The following PLXNA1 variants were observed in gnomAD, a reference collection of about 807,000 sequenced individuals.
PLXNA1 encodes the protein plexin-A1.
PLXNA1 carries 77 observed loss-of-function variants against 191.7 expected under a neutral mutation model. That is an observed-to-expected ratio of 0.40 (90% confidence interval 0.33 to 0.49). The LOEUF (loss-of-function observed/expected upper bound fraction) is 0.49, where lower values mean the gene tolerates loss of function less well. Among genes scored for constraint, PLXNA1 ranks in the 20% least tolerant of loss-of-function variants. The probability of loss-of-function intolerance (pLI) is 0.63; values close to 1 mark genes in which losing one functional copy is unlikely to be tolerated. For synonymous variants in PLXNA1, 1,137 were observed against 1,156.4 expected, an observed-to-expected ratio of 0.98 and a Z score of 0.34; for missense variants, 2,110 against 2,660.2, an observed-to-expected ratio of 0.79 and a Z score of 4.55.
intron 7 of PLXNA1, 35 bp downstream of exon 7, chr3:127,005,278 G>C: frequency 6.3e-7 from 1 of 1,577,806 alleles, no homozygotes; most frequent in South Asian, 1.2e-5. Context: ...CCCGCTGCCT[G>C]GCCAGGTCCA....
chr3:126,989,164 A>G lies in PLXNA1; in HGVS notation c.571A>G (p.Ile191Val). The G allele has an allele frequency of 6.2e-7, 1 of 1,613,448 alleles. No homozygotes were observed. Among genetic ancestry groups the G allele is most frequent in the South Asian group, 1.1e-5 (1 of 91,086 alleles). Residue 191 changes from isoleucine (I) to valine (V), a missense_variant, in exon 2 of 32, where the codon ATC (isoleucine) becomes GTC (valine). Transcript: ENST00000393409. Reference sequence around the variant, plus strand: ...GGCCAAGCTCTTCGTGGGCACACCCATCGATGGCAAGTCCGAGTACTTCCC... The same window carrying G: ...GGCCAAGCTCTTCGTGGGCACACCCGTCGATGGCAAGTCCGAGTACTTCCC... ...GQAKLFVGTP[I>V]DGKSEYFPTL...
chr3:126,985,342 C>T (rs1028185680), intron 1 of PLXNA1, among the ~76,000 whole-genome samples: 30 of 152,242 alleles, frequency 2.0e-4, no homozygotes, highest in African/African-American at 4.8e-4. Context: ...CTAGCCCCAT[C>T]GGCATCCCAA....
chr3:127,003,825 G>T (rs1010418236), intron 4 of PLXNA1, among the ~76,000 whole-genome samples: 1 of 152,238 alleles, frequency 6.6e-6, no homozygotes, highest in African/African-American at 2.4e-5. Flanking sequence ...TTTGGGGTGT[G>T]TACTGGGCCA....
intron 17 of PLXNA1, 148 bp downstream of exon 17, chr3:127,017,185 G>A (rs1165935370): frequency 2.1e-6 from 2 of 970,136 alleles, no homozygotes; most frequent in Non-Finnish European, 3.1e-6. Flanking sequence ...AGACCCCTGG[G>A]GAGGCACCTG....
intron 3 of PLXNA1, among the ~76,000 whole-genome samples, chr3:127,002,618 T>C (rs2079046538): frequency 1.3e-5 from 2 of 152,224 alleles, no homozygotes; most frequent in Non-Finnish European, 2.9e-5. Context: ...GAGCCTACCC[T>C]GGACTCAGAG....
chr3:126,993,385 G>A (rs1462037914), intron 3 of PLXNA1, among the ~76,000 whole-genome samples: 1 of 152,234 alleles, frequency 6.6e-6, no homozygotes, highest in African/African-American at 2.4e-5. Context: ...AGGTATGGGT[G>A]GAGCCTGTCC....
intron 19 of PLXNA1, 50 bp downstream of exon 19, chr3:127,017,942 G>A: frequency 6.2e-7 from 1 of 1,601,182 alleles, no homozygotes; most frequent in Non-Finnish European, 8.5e-7. Context: ...TGCCCCACCT[G>A]TGGACCCTGC....
At chr3:127,021,477 G>T (rs576398030) in intron 21 of PLXNA1, among the ~76,000 whole-genome samples, 8 of 152,304 alleles carry the variant, frequency 5.3e-5, no homozygotes, top group African/African-American at 1.7e-4. Context: ...GGACCCTGGA[G>T]CCAGCTATGC....
rs2078974643 is a variant in PLXNA1 at position 126,988,842 on chromosome 3, C to T, written c.249C>T (p.Ala83=). ...CGGGGAACCTGACACTGCTGCGGGC[C>T]CACGTCACGGGCCCTGTGGAGGACA... is the stretch of plus-strand genomic sequence containing the variant. The part of the protein sequence containing the change: ...KLSGNLTLLR[A]HVTGPVEDNE... Residue 83 remains alanine (A), a synonymous_variant, in exon 2 of 32, where the codon GCC becomes GCT. Coordinates refer to ENST00000393409, the MANE Select transcript of PLXNA1 (RefSeq NM_032242.4). 3 of 1,613,326 alleles carry T rather than the reference C, an allele frequency of 1.9e-6. No homozygotes were observed. The South Asian group carries it at 3.3e-5, about 18-fold the overall frequency.
At chr3:126,996,898 G>A (rs930248674) in intron 3 of PLXNA1, among the ~76,000 whole-genome samples, 2 of 152,204 alleles carry the variant, frequency 1.3e-5, no homozygotes, top group Non-Finnish European at 2.9e-5. Flanking sequence ...GTCAGCCTGT[G>A]ACAGACGCCA....
At chr3:127,025,288 T>C (rs1222838518) in intron 23 of PLXNA1, among the ~76,000 whole-genome samples, 7 of 152,228 alleles carry the variant, frequency 4.6e-5, no homozygotes, top group Admixed American at 3.9e-4. Context: ...GTTATGCCTT[T>C]TCCAGATGTC....
chr3:127,013,983 C>CT, intron 10 of PLXNA1, 37 bp from the exon 11 acceptor site: 1 of 1,595,826 alleles, frequency 6.3e-7, no homozygotes, highest in Non-Finnish European at 8.6e-7. Flanking sequence ...CTGGAGGCCG[C>CT]TTAGCTGGGA....
chr3:127,025,771 A>G (rs144929131), intron 23 of PLXNA1, among the ~76,000 whole-genome samples: 2 of 152,366 alleles, frequency 1.3e-5, no homozygotes, highest in Non-Finnish European at 2.9e-5. Context: ...CGACAGATGA[A>G]TGAATAAGCA....
intron 27 of PLXNA1, 62 bp from the exon 28 acceptor site, chr3:127,029,812 C>T: frequency 6.8e-7 from 1 of 1,474,980 alleles, no homozygotes; most frequent in South Asian, 1.3e-5. Flanking sequence ...GATGGGGAAA[C>T]AGGCTCGGGC....
At chr3:126,994,415 C>G (rs1280748562) in intron 3 of PLXNA1, among the ~76,000 whole-genome samples, 1 of 152,122 alleles carries the variant, frequency 6.6e-6, no homozygotes, top group Non-Finnish European at 1.5e-5. Flanking sequence ...CTCCCTTGTT[C>G]CCTAGTTACC....
At chr3:127,019,335 A>C (rs2079141240) in intron 20 of PLXNA1, among the ~76,000 whole-genome samples, 1 of 152,160 alleles carries the variant, frequency 6.6e-6, no homozygotes, top group African/African-American at 2.4e-5. Context: ...GTCCCAGACA[A>C]ACCTAAGTGG....
In PLXNA1 at chr3:127,014,022, C is replaced by T. The variant is rs2079108427; in HGVS notation, c.2316C>T (p.Tyr772=). 5.0e-6 allele frequency: 8 copies of T among 1,613,490 alleles called. No homozygotes were observed. The highest frequency in any genetic ancestry group is 5.9e-6 in the Non-Finnish European group (7 of 1,179,798). The change falls in exon 11 of 32, where the codon TAC becomes TAT. Residue 772 remains tyrosine, a splice_region_variant and synonymous_variant. Coordinates refer to ENST00000393409, the MANE Select transcript of PLXNA1 (RefSeq NM_032242.4). ...CTGACGGTGCCATCACCTAACAGTA[C>T]TCCTACGAGGGGAACGATGTCAGCG... ...SSSLQCQNSS[Y]SYEGNDVSDL...
Position 127,004,919 on chromosome 3 carries a change from G to A in PLXNA1, c.1654G>A (p.Glu552Lys), listed in dbSNP as rs1230210680. The part of the protein sequence containing the change: ...SRRDACERAD[E>K]PQRFAADLLQ... ...GCGGGACGCCTGTGAGCGAGCAGAC[G>A]AGCCCCAGCGCTTTGCTGCGGACCT... Residue 552 changes from glutamate (E) to lysine (K), a missense_variant, in exon 6 of 32, where the codon GAG (glutamate) becomes AAG (lysine). By Grantham distance (56) the Glu-to-Lys change is moderately conservative. Coordinates refer to ENST00000393409, the MANE Select transcript of PLXNA1 (RefSeq NM_032242.4). The A allele has an allele frequency of 3.1e-6, 5 of 1,607,074 alleles. No individual in the cohort carries two copies. The highest frequency in any genetic ancestry group is 1.3e-5 in the African/African-American group (1 of 74,932).
At chr3:126,986,360 C>T (rs2078959158) in intron 1 of PLXNA1, among the ~76,000 whole-genome samples, 1 of 152,178 alleles carries the variant, frequency 6.6e-6, no homozygotes, top group African/African-American at 2.4e-5. Flanking sequence ...CAGCTGGCAG[C>T]CTGCTAGGAG....
Sources: gnomAD v4.1 joint callset for allele counts (sites outside exome capture counted in the v4.1 genomes callset) on GRCh38, gnomAD v4.1.1 for gene constraint, MANE v1.5 for transcripts, NCBI Gene and HGNC (gene_info 2026-07-23, HGNC 2026-07-21) for gene names.